The following CCDC3 variants were observed in gnomAD, a reference collection of about 807,000 sequenced individuals.
The protein encoded by CCDC3 is coiled-coil domain containing 3.
CCDC3 carries 24 observed loss-of-function variants against 21.4 expected under a neutral mutation model. The ratio of observed to expected loss-of-function variants is 1.12; its 90% CI spans 0.81 to 1.58. The LOEUF (loss-of-function observed/expected upper bound fraction) is 1.58, where lower values mean the gene tolerates loss of function less well. CCDC3 is among the 40% of genes most tolerant of loss of function. CCDC3 has a pLI of 0.00. For missense variants in CCDC3, 425 were observed against 360.9 expected (o/e 1.18, Z -1.44); for synonymous variants, 186 against 166.0 (o/e 1.12, Z -0.93).
chr10:12,916,301 GCA>G (rs1834355400), intron 2 of CCDC3, among the ~76,000 whole-genome samples: 2 of 152,054 alleles, frequency 1.3e-5, no homozygotes, highest in Admixed American at 6.5e-5. Context: ...GCATGGTGGT[GCA>G]TGCCTGTAAT....
chr10:13,032,995 A>G (rs1457861449), intron 5 of CCDC3, among the ~76,000 whole-genome samples: 2 of 152,226 alleles, frequency 1.3e-5, no homozygotes, highest in African/African-American at 2.4e-5. Flanking sequence ...AAACTACTTT[A>G]AAGTTCATAT....
chr10:12,931,881 C>T (rs999674607), intron 2 of CCDC3, among the ~76,000 whole-genome samples: 20 of 152,156 alleles, frequency 1.3e-4, no homozygotes, highest in Non-Finnish European at 1.9e-4. Flanking sequence ...GTAAGTAAAA[C>T]TCAGAGGATT....
intron 2 of CCDC3, among the ~76,000 whole-genome samples, chr10:12,940,408 G>C (rs1032022044): frequency 6.6e-6 from 1 of 152,108 alleles, no homozygotes; most frequent in African/African-American, 2.4e-5. Flanking sequence ...ATGGCCTCTT[G>C]AGAGTTATAT....
At chr10:13,085,054 C>A (rs970577791) in intron 3 of CCDC3, among the ~76,000 whole-genome samples, 1 of 152,160 alleles carries the variant, frequency 6.6e-6, no homozygotes, top group African/African-American at 2.4e-5. Flanking sequence ...TTTTCTGAGG[C>A]CCCCTGAAGA....
At chr10:12,933,585 G>A (rs1012897233) in intron 2 of CCDC3, among the ~76,000 whole-genome samples, 1 of 151,468 alleles carries the variant, frequency 6.6e-6, no homozygotes, top group Non-Finnish European at 1.5e-5. Flanking sequence ...AGCCACCAAA[G>A]CAGCTGGCTT....
At position 13,026,367 on chromosome 10, in the gene CCDC3, A is replaced by G. The variant is rs575929599; in HGVS notation, c.-2+23307T>C. 3.9e-5 allele frequency among the ~76,000 whole-genome samples: 6 copies of G among 152,336 alleles called. No homozygotes were observed. In the South Asian group the frequency reaches 1.2e-3, roughly 32 times the overall value. On this transcript the variant is annotated intron_variant, in intron 5 of 6. Transcript: ENST00000378839. ...AGCTTTTACAAACTGCTTTAGTGGG[A>G]GGATACTACAGAAATTAATTCTAAA...
chr10:13,098,234 C>A (rs1564348035), intron 3 of CCDC3, among the ~76,000 whole-genome samples: 1 of 152,150 alleles, frequency 6.6e-6, no homozygotes, highest in Non-Finnish European at 1.5e-5. Flanking sequence ...AAGCCATGGG[C>A]AGCTTGTGGG....
chr10:13,017,213 G>A (rs75241323), intron 5 of CCDC3, among the ~76,000 whole-genome samples: 23 of 152,088 alleles, frequency 1.5e-4, no homozygotes, highest in African/African-American at 5.5e-4. Context: ...GCCAGATGAA[G>A]TTCTAAGAAT....
intron 5 of CCDC3, among the ~76,000 whole-genome samples, chr10:13,045,341 T>C (rs930989277): frequency 3.7e-4 from 56 of 152,190 alleles, no homozygotes; most frequent in African/African-American, 1.3e-3. Context: ...ATAACAAATA[T>C]ATTTTTAAGA....
At chr10:12,903,500 G>A (rs768222470) in intron 2 of CCDC3, among the ~76,000 whole-genome samples, 1 of 152,226 alleles carries the variant, frequency 6.6e-6, no homozygotes, top group Non-Finnish European at 1.5e-5. Flanking sequence ...AGCAGGGAAA[G>A]GCCAGGCCAA....
In CCDC3 at chr10:13,059,702, T is replaced by G. The variant is rs1032464857; in HGVS notation, c.-269-9761A>C. 9.9e-5 allele frequency among the ~76,000 whole-genome samples: 15 copies of G among 152,086 alleles called. No homozygotes were observed. In the East Asian group the frequency reaches 1.3e-3, roughly 14 times the overall value. ...TATGTGCTCTAAACTGACCACGAAA[T>G]GGGAGGTGTGAATCTGCTGTTCCTC... On this transcript the variant is annotated intron_variant, in intron 4 of 6. Transcript: ENST00000378839.
chr10:13,004,297 A>G (rs773385559), upstream of CCDC3, among the ~76,000 whole-genome samples: 13 of 152,110 alleles, frequency 8.5e-5, no homozygotes, highest in Admixed American at 1.3e-4. Context: ...ACATCCTTCA[A>G]AATTTGTCCA....
chr10:12,929,489 C>T (rs1834605523), intron 2 of CCDC3, among the ~76,000 whole-genome samples: 1 of 152,156 alleles, frequency 6.6e-6, no homozygotes, highest in Admixed American at 6.5e-5. Flanking sequence ...CTAACACTCT[C>T]CCTGTGAAGG....
At chr10:13,037,447 C>A (rs1453676079) in intron 5 of CCDC3, among the ~76,000 whole-genome samples, 2 of 152,104 alleles carry the variant, frequency 1.3e-5, no homozygotes, top group African/African-American at 2.4e-5. Context: ...AATCTTTTTA[C>A]CATAGGTTTA....
intron 5 of CCDC3, among the ~76,000 whole-genome samples, chr10:13,029,249 C>T (rs1282356788): frequency 6.6e-6 from 1 of 152,134 alleles, no homozygotes; most frequent in African/African-American, 2.4e-5. Flanking sequence ...AAAAACAGGT[C>T]TGGGGCTCTG....
intron 5 of CCDC3, among the ~76,000 whole-genome samples, chr10:13,033,315 C>A (rs1421513772): frequency 6.6e-6 from 1 of 152,194 alleles, no homozygotes; most frequent in East Asian, 1.9e-4. Context: ...TGGATCCCTT[C>A]CTTATACCTT....
chr10:12,947,382 C>T (rs1834931857), intron 2 of CCDC3, among the ~76,000 whole-genome samples: 1 of 152,004 alleles, frequency 6.6e-6, no homozygotes, highest in Non-Finnish European at 1.5e-5. Flanking sequence ...TCCTGACCTC[C>T]AGTGATCTGC....
intron 2 of CCDC3, among the ~76,000 whole-genome samples, chr10:12,994,155 T>C (rs1427955994): frequency 1.3e-5 from 2 of 152,096 alleles, no homozygotes; most frequent in East Asian, 3.9e-4. Flanking sequence ...CCCAGAACTT[T>C]GGGAGGCCAA....
At chr10:12,903,808 C>G (rs577982586) in intron 2 of CCDC3, among the ~76,000 whole-genome samples, 1 of 152,154 alleles carries the variant, frequency 6.6e-6, no homozygotes, top group Non-Finnish European at 1.5e-5. Context: ...CCTTATCTGT[C>G]TAAAATAACA....
Sources: gnomAD v4.1 joint callset for allele counts (sites outside exome capture counted in the v4.1 genomes callset) on GRCh38, gnomAD v4.1.1 for gene constraint, MANE v1.5 for transcripts, NCBI Gene and HGNC (gene_info 2026-07-23, HGNC 2026-07-21) for gene names.